Variants in TRAK1 observed in about 807,000 individuals in gnomAD.
TRAK1 encodes trafficking kinesin protein 1.
TRAK1 carries 33 observed loss-of-function variants against 92.1 expected under a neutral mutation model. That is an observed-to-expected ratio of 0.36 (90% confidence interval 0.27 to 0.48). The LOEUF (loss-of-function observed/expected upper bound fraction) is 0.48, where lower values mean the gene tolerates loss of function less well. Among genes scored for constraint, TRAK1 ranks in the 20% least tolerant of loss-of-function variants. The probability of loss-of-function intolerance (pLI) is 0.99; values close to 1 mark genes in which losing one functional copy is unlikely to be tolerated. For missense variants in TRAK1, 1,123 were observed against 1,257.9 expected (o/e 0.89, Z 1.62); for synonymous variants, 521 against 517.3 (o/e 1.01, Z -0.10).
intron 2 of TRAK1, among the ~76,000 whole-genome samples, chr3:42,143,630 T>A (rs1345796314): frequency 6.6e-6 from 1 of 152,196 alleles, no homozygotes; most frequent in Non-Finnish European, 1.5e-5. Flanking sequence ...GACCAGTGGC[T>A]GTGAGGCTTA....
chr3:42,047,547 C>CTTAT (rs113481757), intron 1 of TRAK1, among the ~76,000 whole-genome samples: 56,532 of 151,658 alleles, frequency 0.37, 10,784 homozygotes, highest in Middle Eastern at 0.47. Flanking sequence ...GAAAAGTGGA[C>CTTAT]TTAAGATTTA....
intron 2 of TRAK1, chr3:42,151,223 C>G: frequency 2.5e-6 from 1 of 396,938 alleles, no homozygotes; most frequent in Non-Finnish European, 4.9e-6. Context: ...GCCACACCAT[C>G]CAGTTCCCTT....
chr3:42,060,102 A>G (rs1006891817), intron 1 of TRAK1, among the ~76,000 whole-genome samples: 12 of 152,198 alleles, frequency 7.9e-5, no homozygotes, highest in Admixed American at 2.6e-4. Flanking sequence ...TCACAGGGGA[A>G]AGCCCATAGA....
intron 15 of TRAK1, chr3:42,220,601 C>G (rs1296097972): frequency 1.0e-6 from 1 of 985,260 alleles, no homozygotes; most frequent in Non-Finnish European, 1.2e-6. Flanking sequence ...GGTGAGCACA[C>G]CGCCAGCAGT....
At chr3:42,118,076 C>T (rs921218170) in intron 1 of TRAK1, among the ~76,000 whole-genome samples, 7 of 151,836 alleles carry the variant, frequency 4.6e-5, no homozygotes, top group African/African-American at 1.7e-4. Flanking sequence ...CCTTGGCCTC[C>T]CAAAGTGCTG....
rs1215037100 is a variant in TRAK1, at chr3:42,189,719, C to T, written c.690+595C>T. 3.9e-5 allele frequency among the ~76,000 whole-genome samples: 6 copies of T among 151,980 alleles called. No homozygotes were observed. In the South Asian group the frequency reaches 6.2e-4, roughly 16 times the overall value. ...CTAATTTTTGTATTTTTAGTAGAGA[C>T]GAGGTTTCACCATACTGGTCAGGCT... On this transcript the variant is annotated intron_variant, in intron 6 of 15. Transcript: ENST00000327628.
chr3:42,161,598 C>T (rs560227153), intron 2 of TRAK1, among the ~76,000 whole-genome samples: 1 of 152,210 alleles, frequency 6.6e-6, no homozygotes, highest in Non-Finnish European at 1.5e-5. Flanking sequence ...GTTGCCCAGG[C>T]TGGAACTTTT....
chr3:42,184,912 A>C (rs1704566166), intron 4 of TRAK1, 111 bp downstream of exon 4: 2 of 1,070,388 alleles, frequency 1.9e-6, no homozygotes, highest in East Asian at 4.8e-5. Context: ...GACGCTCCCG[A>C]GGGCACGACC....
intron 1 of TRAK1, among the ~76,000 whole-genome samples, chr3:42,023,333 C>A (rs1261832881): frequency 1.3e-5 from 2 of 152,096 alleles, no homozygotes; most frequent in Admixed American, 1.3e-4. Context: ...CAAGTTGCAT[C>A]CACATTAGGT....
chr3:42,024,893 A>G (rs1701859335), intron 1 of TRAK1, among the ~76,000 whole-genome samples: 1 of 152,212 alleles, frequency 6.6e-6, no homozygotes, highest in African/African-American at 2.4e-5. Flanking sequence ...GAGAGATCCC[A>G]GATTTTTCAG....
At chr3:42,198,042 G>A (rs1005536305) in intron 10 of TRAK1, among the ~76,000 whole-genome samples, 1 of 152,212 alleles carries the variant, frequency 6.6e-6, no homozygotes, top group Non-Finnish European at 1.5e-5. Flanking sequence ...CAGAGGATGC[G>A]TCCATCATCA....
At chr3:42,089,675 A>ACCCCCCCCCCCCCCCCC (rs3073728), upstream of TRAK1, among the ~76,000 whole-genome samples, 1 of 132,844 alleles carries the variant, frequency 7.5e-6, no homozygotes. Flanking sequence ...GCTTTTTGTG[A>ACCCCCCCCCCCCCCCCC]CCCCCCCCCA....
intron 1 of TRAK1, among the ~76,000 whole-genome samples, chr3:42,103,104 C>T (rs56326908): frequency 8.5e-5 from 13 of 152,276 alleles, no homozygotes; most frequent in African/African-American, 1.7e-4. Context: ...ATTCACCCCC[C>T]GAAAAGCTCC....
At chr3:42,209,105 G>T (rs1708663655) in intron 13 of TRAK1, among the ~76,000 whole-genome samples, 1 of 152,136 alleles carries the variant, frequency 6.6e-6, no homozygotes, top group Non-Finnish European at 1.5e-5. Context: ...CCTCTGTGTG[G>T]ACTTACTATG....
At chr3:42,219,104 A>G (rs1222207665) in intron 14 of TRAK1, 5 of 985,268 alleles carry the variant, frequency 5.1e-6, no homozygotes, top group African/African-American at 3.5e-5. Flanking sequence ...GCTGTTGCCA[A>G]TGCAAAGAAA....
intron 1 of TRAK1, among the ~76,000 whole-genome samples, chr3:42,060,112 A>G (rs1047676358): frequency 1.3e-5 from 2 of 152,158 alleles, no homozygotes; most frequent in African/African-American, 4.8e-5. Flanking sequence ...AAGCCCATAG[A>G]AGGTTTTCAA....
chr3:42,071,384 A>T (rs530067423), intron 1 of TRAK1, among the ~76,000 whole-genome samples: 11 of 152,226 alleles, frequency 7.2e-5, no homozygotes, highest in Non-Finnish European at 7.4e-5. Context: ...ACTGGGAGGC[A>T]TGAGGCCCCA....
chr3:42,102,866 GA>G (rs35863078), intron 1 of TRAK1, among the ~76,000 whole-genome samples: 85,562 of 151,878 alleles, frequency 0.56, 24,463 homozygotes, highest in South Asian at 0.68. Flanking sequence ...GTCTGCCTAG[GA>G]AGAGTTCTCT....
At chr3:42,211,250 G>C (rs2149511731) in intron 14 of TRAK1, 3 of 985,322 alleles carry the variant, frequency 3.0e-6, no homozygotes, top group Non-Finnish European at 3.6e-6. Flanking sequence ...GCTAATTTCA[G>C]ACAGCTGTGG....
Sources: allele counts gnomAD v4.1 joint callset (sites outside exome capture counted in the v4.1 genomes callset), GRCh38; gene constraint gnomAD v4.1.1; transcripts MANE v1.5; gene names NCBI Gene and HGNC (gene_info 2026-07-23, HGNC 2026-07-21).